Variants in TYSND1 observed in about 807,000 individuals in gnomAD.
TYSND1 encodes peroxisomal leader peptide-processing protease.
In TYSND1, 30 loss-of-function variants were observed where a neutral mutation model predicts 37.2. The observed-to-expected ratio is 0.81, with a 90% confidence interval of 0.60 to 1.09. The LOEUF (loss-of-function observed/expected upper bound fraction) is 1.09. TYSND1 is among the 50% of genes least tolerant of loss of function. The pLI, the probability that TYSND1 is intolerant of heterozygous loss-of-function variation, is 0.00. For synonymous variants in TYSND1, 364 were observed against 383.8 expected, an observed-to-expected ratio of 0.95 and a Z score of 0.60; for missense variants, 806 against 817.4, an observed-to-expected ratio of 0.99 and a Z score of 0.17.
In TYSND1 at chr10:70,146,484, T is replaced by G. The variant is rs773518819; in HGVS notation, c.103A>C (p.Ser35Arg). The change falls in exon 1 of 4, where the codon AGC (serine) becomes CGC (arginine). Residue 35 changes from serine to arginine, a missense_variant. Around this residue, in one of 3 missense-constraint regions of TYSND1, gnomAD observed 84 missense variants for 79.0 expected, o/e 1.06. Coordinates refer to ENST00000287078, the MANE Select transcript of TYSND1 (RefSeq NM_173555.4). ...GGGCTACGGCTCAGGATTACCCCGCTGCAGCTCCACGGGCCCGCCTCGGGC... is the reference window on the plus strand; with the variant it reads ...GGGCTACGGCTCAGGATTACCCCGCGGCAGCTCCACGGGCCCGCCTCGGGC... ...GQPEAGPWSC[S>R]GVILSRSPGL... The G allele has an allele frequency of 6.3e-7, 1 of 1,599,856 alleles. No individual in the cohort carries two copies. The highest frequency in any genetic ancestry group is 8.5e-7 in the Non-Finnish European group (1 of 1,177,770).
chr10:70,145,919 C>A lies in TYSND1; in HGVS notation c.668G>T (p.Gly223Val). Residue 223 changes from glycine to valine, a missense_variant, in exon 1 of 4, where the codon GGC becomes GTC. Physicochemically the swap from Gly to Val is moderately radical, Grantham distance 109. Transcript: ENST00000287078. ...VPKGAPLLVC[G>V]SPFGAFCPDI... ...GGGGCAGAAGGCGCCGAAAGGGGAG[C>A]CGCAGACCAGCAATGGCGCACCCTT... 1.3e-6 allele frequency: 2 copies of A among 1,550,750 alleles called. No individual in the cohort carries two copies. The highest frequency in any genetic ancestry group is 1.7e-6 in the Non-Finnish European group (2 of 1,147,888).
intron 2 of TYSND1, among the ~76,000 whole-genome samples, chr10:70,143,162 A>C (rs2072813410): frequency 6.6e-6 from 1 of 152,164 alleles, no homozygotes; most frequent in South Asian, 2.1e-4. Flanking sequence ...CTACATGCTC[A>C]ATAAATGTTT....
chr10:70,142,153 G>A (rs2072788107), intron 3 of TYSND1, among the ~76,000 whole-genome samples: 1 of 152,036 alleles, frequency 6.6e-6, no homozygotes, highest in African/African-American at 2.4e-5. Flanking sequence ...TTAAAAACCT[G>A]AATGTTACCA....
Position 70,140,092 on chromosome 10 carries a change from G to C in TYSND1, c.1533C>G (p.Pro511=). ...TRDNNTGATY[P]HLNFSIPITV... is the part of the protein sequence containing the mutation. ...TGATGGGAATGCTGAAGTTCAGGTG[G>C]GGGTAGGTGGCCCCCGTATTATTGT... The change falls in exon 4 of 4, where the codon CCC becomes CCG. Residue 511 remains proline, a synonymous_variant. Transcript: ENST00000287078. 6.2e-7 allele frequency: 1 copy of C among 1,613,912 alleles called. No individual in the cohort carries two copies. The highest frequency in any genetic ancestry group is 8.5e-7 in the Non-Finnish European group (1 of 1,179,808).
chr10:70,140,366 A>G (rs2072747259), intron 3 of TYSND1, among the ~76,000 whole-genome samples: 1 of 152,200 alleles, frequency 6.6e-6, no homozygotes, highest in Admixed American at 6.5e-5. Flanking sequence ...CACACTAGAT[A>G]GTTCACTTAT....
rs544535704 is a variant in TYSND1 at position 70,142,807 on chromosome 10, G to A, written c.1344C>T (p.Cys448=). ...VVGFGVFGQS[C]GPSVTSGILS... Reference sequence around the variant, plus strand: ...GGATGCCTGAGGTCACCGAGGGCCCGCAAGACTGGCCAAAGACGCCAAAGC... The same window carrying A: ...GGATGCCTGAGGTCACCGAGGGCCCACAAGACTGGCCAAAGACGCCAAAGC... The change falls in exon 3 of 4, where the codon TGC becomes TGT. Residue 448 remains cysteine (C), a synonymous_variant. Transcript: ENST00000287078. 1.4e-5 allele frequency: 23 copies of A among 1,614,062 alleles called. No individual in the cohort carries two copies. Among genetic ancestry groups the A allele is most frequent in the East Asian group, 4.5e-5 (2 of 44,882 alleles).
In TYSND1 at chr10:70,145,809, C is replaced by G. The variant is rs74993002; in HGVS notation, c.778G>C (p.Gly260Arg). Residue 260 changes from glycine to arginine, a missense_variant, in exon 1 of 4, where the codon GGC becomes CGC. This residue lies in a region of TYSND1 where 708 missense variants were observed against 705.4 expected (regional missense o/e 1.00). Transcript: ENST00000287078. Reference protein sequence around the residue: ...LLLTDARCLPGTEGGGVFTAR... With the variant: ...LLLTDARCLPRTEGGGVFTAR... ...GTGAACACGCCGCCGCCCTCGGTGCCGGGCAGGCAGCGTGCGTCGGTAAGC... is the reference window on the plus strand; with the variant it reads ...GTGAACACGCCGCCGCCCTCGGTGCGGGGCAGGCAGCGTGCGTCGGTAAGC... 2.5e-4 allele frequency: 385 copies of G among 1,519,934 alleles called. 1 individual carries two copies. The African/African-American group carries it at 4.9e-3, about 19-fold the overall frequency. The allele number at this position is 1,519,934 out of a possible 1,614,324, so 94.2% of individuals were successfully genotyped here.
intron 3 of TYSND1, among the ~76,000 whole-genome samples, chr10:70,140,473 C>T (rs1281346203): frequency 3.3e-5 from 5 of 152,108 alleles, no homozygotes; most frequent in Non-Finnish European, 7.3e-5. Context: ...GAAACAGTGC[C>T]TTGTGCCAAG....
intron 3 of TYSND1, among the ~76,000 whole-genome samples, chr10:70,140,951 GTTATT>G (rs1453629322): frequency 6.8e-6 from 1 of 147,048 alleles, no homozygotes; most frequent in Non-Finnish European, 1.5e-5. Context: ...AAAAGTGCAG[GTTATT>G]TTATTTATTT....
chr10:70,145,070 G>A (rs1480868015), intron 1 of TYSND1, among the ~76,000 whole-genome samples: 2 of 152,190 alleles, frequency 1.3e-5, no homozygotes, highest in Non-Finnish European at 2.9e-5. Context: ...GGGAATCTCT[G>A]TTCAAAGGGC....
intron 3 of TYSND1, among the ~76,000 whole-genome samples, 159 bp downstream of exon 3, chr10:70,142,509 C>T (rs2072795674): frequency 6.6e-6 from 1 of 152,154 alleles, no homozygotes; most frequent in East Asian, 1.9e-4. Context: ...CGTCCCTCTC[C>T]ACCATCAGGA....
rs945891382 is a variant in TYSND1, at chr10:70,138,358, G to A, written c.*1566C>T. 2.6e-5 allele frequency: 4 copies of A among 152,202 alleles called. No homozygotes were observed. The highest frequency in any genetic ancestry group is 1.3e-4 in the Admixed American group (2 of 15,286). The allele number at this position is 152,202 out of a possible 1,614,324, so 9.4% of individuals were successfully genotyped here. On this transcript the variant is annotated 3_prime_UTR_variant, in exon 4 of 4. Coordinates refer to ENST00000287078, the MANE Select transcript of TYSND1 (RefSeq NM_173555.4). ...CTGGAACAAGGACTATGAGAGTTAC[G>A]AGTCAGGAATGCTGGATGAAAACCA... is the stretch of plus-strand genomic sequence containing the variant.
chr10:70,142,702 T>C lies in TYSND1; in HGVS notation c.1449A>G (p.Gly483=). The C allele has an allele frequency of 6.2e-7, 1 of 1,604,692 alleles. No individual in the cohort carries two copies. The highest frequency in any genetic ancestry group is 2.2e-5 in the East Asian group (1 of 44,518). Residue 483 remains glycine (G), a synonymous_variant, in exon 3 of 4, where the codon GGA becomes GGG. Coordinates refer to ENST00000287078, the MANE Select transcript of TYSND1 (RefSeq NM_173555.4). ...TTCCTGAGTGGTTGGAGAAGAGGGG[T>C]CCCCCACTGGAGCCGCTGTGCACAG... ...TCAVHSGSSG[G]PLFSNHSGNL...
intron 3 of TYSND1, among the ~76,000 whole-genome samples, chr10:70,141,923 G>GT (rs1301750699): frequency 1.3e-5 from 2 of 151,834 alleles, no homozygotes; most frequent in African/African-American, 4.8e-5. Flanking sequence ...TTTCCTCTTT[G>GT]TAAGTACTAA....
In TYSND1 at chr10:70,140,090, T is replaced by A. The variant is rs1287540168; in HGVS notation, c.1535A>T (p.His512Leu). 2 of 1,613,772 alleles carry A rather than the reference T, an allele frequency of 1.2e-6. No homozygotes were observed. The highest frequency in any genetic ancestry group is 1.7e-6 in the Non-Finnish European group (2 of 1,179,816). ...CGTGATGGGAATGCTGAAGTTCAGG[T>A]GGGGGTAGGTGGCCCCCGTATTATT... ...RDNNTGATYP[H>L]LNFSIPITVL... The change falls in exon 4 of 4, where the codon CAC becomes CTC. Residue 512 changes from histidine to leucine, a missense_variant. Around this residue, in one of 3 missense-constraint regions of TYSND1, gnomAD observed 708 missense variants for 705.4 expected, o/e 1.00. Coordinates refer to ENST00000287078, the MANE Select transcript of TYSND1 (RefSeq NM_173555.4).
In TYSND1 at chr10:70,146,046, C is replaced by T. The variant is rs553877350; in HGVS notation, c.541G>A (p.Ala181Thr). Reference sequence around the variant, plus strand: ...CCCAGCAGCGCAAACCAGCCCAGCGCTCTCAGTTGATCCGCCTCCTCGTCC... The same window carrying T: ...CCCAGCAGCGCAAACCAGCCCAGCGTTCTCAGTTGATCCGCCTCCTCGTCC... The part of the protein sequence containing the change: ...SEDEEADQLR[A>T]LGWFALLGVR... Residue 181 changes from alanine to threonine, a missense_variant, in exon 1 of 4, where the codon GCG becomes ACG. Around this residue, in one of 3 missense-constraint regions of TYSND1, gnomAD observed 708 missense variants for 705.4 expected, o/e 1.00. Coordinates refer to ENST00000287078, the MANE Select transcript of TYSND1 (RefSeq NM_173555.4). The T allele has an allele frequency of 1.3e-6, 2 of 1,596,922 alleles. No homozygotes were observed. The highest frequency in any genetic ancestry group is 1.3e-5 in the African/African-American group (1 of 74,608).
At chr10:70,140,178 CA>C (rs1333709069) in intron 3 of TYSND1, 37 bp from the exon 4 acceptor site, 1 of 1,543,312 alleles carries the variant, frequency 6.5e-7, no homozygotes, top group Non-Finnish European at 8.8e-7. Context: ...GGATGTGAGC[CA>C]GGGGGCAGAA....
At position 70,145,744 on chromosome 10, in the gene TYSND1, C is replaced by T. The variant is rs1390023684; in HGVS notation, c.843G>A (p.Ala281=). ...PAGALVALVV[A]PLCWKAGEWV... is the part of the protein sequence containing the mutation. ...ATTCGCCGGCCTTCCAACAGAGCGG[C>T]GCCACCACCAGCGCCACCAGCGCCC... The change falls in exon 1 of 4, where the codon GCG becomes GCA. Residue 281 remains alanine (A), a synonymous_variant. Coordinates refer to ENST00000287078, the MANE Select transcript of TYSND1 (RefSeq NM_173555.4). 7.0e-7 allele frequency: 1 copy of T among 1,430,922 alleles called. No homozygotes were observed. 88.6% of individuals were successfully genotyped at this position (1,430,922 alleles called of 1,614,324 possible). A position where few individuals can be genotyped will look rare whatever the true frequency, so the allele number is the denominator to read the frequency against.
intron 1 of TYSND1, chr10:70,144,337 A>T: frequency 2.1e-6 from 1 of 485,416 alleles, no homozygotes; most frequent in Non-Finnish European, 2.8e-6. Context: ...AGAGACGCTC[A>T]GTAACATTCC....
Sources: gnomAD v4.1 joint callset for allele counts (sites outside exome capture counted in the v4.1 genomes callset) on GRCh38, gnomAD v4.1.1 for gene constraint, gnomAD v4.1.1 regional missense constraint, MANE v1.5 for transcripts, NCBI Gene and HGNC (gene_info 2026-07-23, HGNC 2026-07-21) for gene names.